DNAH9: variants seen among roughly 807,000 people sequenced by gnomAD.
DNAH9 encodes the protein DNAH9 variant protein.
Under a neutral mutation model 471.6 loss-of-function variants are expected in DNAH9, and 345 were observed. The observed-to-expected ratio is 0.73, with a 90% CI of 0.67 to 0.80. The LOEUF (loss-of-function observed/expected upper bound fraction) is 0.80, where lower values mean the gene tolerates loss of function less well. Among genes scored for constraint, DNAH9 ranks in the 30% least tolerant of loss-of-function variants. The probability of loss-of-function intolerance (pLI) is 0.00; values close to 1 mark genes in which losing one functional copy is unlikely to be tolerated. For missense variants in DNAH9, 5,407 were observed against 5,609.2 expected, an observed-to-expected ratio of 0.96 and a Z score of 1.15; for synonymous variants, 2,093 against 2,123.6, an observed-to-expected ratio of 0.99 and a Z score of 0.40.
chr17:11,968,684 G>A (rs1028654299), intron 68 of DNAH9, among the ~76,000 whole-genome samples: 3 of 152,154 alleles, frequency 2.0e-5, no homozygotes, highest in Admixed American at 1.3e-4. Flanking sequence ...CTTTGGCTCC[G>A]CAGAACATTT....
intron 65 of DNAH9, among the ~76,000 whole-genome samples, chr17:11,935,318 T>C (rs1248262455): frequency 6.6e-6 from 1 of 151,422 alleles, no homozygotes; most frequent in East Asian, 2.0e-4. Flanking sequence ...ACCACAGCTA[T>C]GTTTAAAGTA....
chr17:11,866,332 GT>G (rs1377433918), intron 50 of DNAH9, among the ~76,000 whole-genome samples: 3 of 152,124 alleles, frequency 2.0e-5, no homozygotes, highest in African/African-American at 7.2e-5. Flanking sequence ...CAGAACAGTG[GT>G]TTTTCTTGAA....
At chr17:11,905,866 T>G in intron 61 of DNAH9, 57 bp downstream of exon 61, 3 of 1,519,692 alleles carry the variant, frequency 2.0e-6, no homozygotes, top group Non-Finnish European at 2.7e-6. Context: ...ACTTTCATTC[T>G]TGGGGTCTAT....
At chr17:11,816,822 T>C (rs2150934779) in intron 45 of DNAH9, among the ~76,000 whole-genome samples, 1 of 152,344 alleles carries the variant, frequency 6.6e-6, no homozygotes, top group Admixed American at 6.5e-5. Context: ...TAACTCCAAG[T>C]ACTGCATGAA....
intron 62 of DNAH9, among the ~76,000 whole-genome samples, chr17:11,927,227 A>G (rs1004719670): frequency 1.3e-5 from 2 of 152,168 alleles, no homozygotes; most frequent in African/African-American, 4.8e-5. Flanking sequence ...CTCTGATGAT[A>G]GTTTATTTTC....
In DNAH9 at chr17:11,926,679, C is replaced by A. The variant is rs555629489; in HGVS notation, c.11877+2738C>A. 8.5e-5 allele frequency among the ~76,000 whole-genome samples: 13 copies of A among 152,218 alleles called. No homozygotes were observed. In the South Asian group the frequency reaches 2.7e-3, roughly 32 times the overall value. ...TCATTGATGAGCAGTTGGGTTGATTCCAAGTCTTTGCTATTGTGAATAGTG... is the reference window on the plus strand; with the variant it reads ...TCATTGATGAGCAGTTGGGTTGATTACAAGTCTTTGCTATTGTGAATAGTG... On this transcript the variant is annotated intron_variant, in intron 62 of 68. Coordinates refer to ENST00000262442, the MANE Select transcript of DNAH9 (RefSeq NM_001372.4).
chr17:11,769,191 C>T lies in DNAH9; in HGVS notation c.7414C>T (p.Arg2472Trp), dbSNP rs756834638. Reference sequence around the variant, plus strand: ...CATGGAGCGGTTGATGGCGCGGCAGCGGCCTGTCATGCTGGTGGGCACGGC... The same window carrying T: ...CATGGAGCGGTTGATGGCGCGGCAGTGGCCTGTCATGCTGGTGGGCACGGC... ...YFMERLMARQ[R>W]PVMLVGTAGT... is the part of the protein sequence containing the mutation. The change falls in exon 38 of 69, where the codon CGG (arginine) becomes TGG (tryptophan). Residue 2472 changes from arginine (R) to tryptophan (W), a missense_variant. This residue lies in a region of DNAH9 where 4,636 missense variants were observed against 4,900.3 expected (regional missense o/e 0.95). Coordinates refer to ENST00000262442, the MANE Select transcript of DNAH9 (RefSeq NM_001372.4). 15 of 1,614,172 alleles carry T rather than the reference C, an allele frequency of 9.3e-6. No individual in the cohort carries two copies. The highest frequency in any genetic ancestry group is 8.3e-5 in the Admixed American group (5 of 60,036).
chr17:11,802,648 CAAAAAA>C (rs3070089), intron 43 of DNAH9, among the ~76,000 whole-genome samples: 1 of 131,362 alleles, frequency 7.6e-6, no homozygotes, highest in African/African-American at 2.9e-5. Context: ...AACACACAGA[CAAAAAA>C]AAAAAAAAAG....
At chr17:11,947,772 ATTTTTTTTTT>A (rs71367359) in intron 67 of DNAH9, among the ~76,000 whole-genome samples, 1 of 108,346 alleles carries the variant, frequency 9.2e-6, no homozygotes, top group Non-Finnish European at 1.8e-5. Flanking sequence ...GCTGGGAACT[ATTTTTTTTTT>A]TTTTTTTTTT....
At chr17:11,893,099 C>A (rs1399183096) in intron 58 of DNAH9, among the ~76,000 whole-genome samples, 1 of 145,980 alleles carries the variant, frequency 6.9e-6, no homozygotes, top group African/African-American at 2.5e-5. Context: ...TGCCTGAGTT[C>A]ATGGGTGAGT....
intron 21 of DNAH9, 34 bp downstream of exon 21, chr17:11,694,032 G>A: frequency 1.2e-6 from 2 of 1,604,958 alleles, no homozygotes; most frequent in Non-Finnish European, 8.5e-7. Flanking sequence ...TCTCTAATAA[G>A]AAGGCATCAT....
At chr17:11,928,917 G>A (rs1272061715) in intron 62 of DNAH9, among the ~76,000 whole-genome samples, 2 of 151,706 alleles carry the variant, frequency 1.3e-5, no homozygotes, top group Non-Finnish European at 2.9e-5. Flanking sequence ...CCCAGGTACT[G>A]CCAACAATGT....
rs1326538112 is a variant in DNAH9, at chr17:11,661,898, A to G, written c.2596-2935A>G. On this transcript the variant is annotated intron_variant, in intron 14 of 68. Coordinates refer to ENST00000262442, the MANE Select transcript of DNAH9 (RefSeq NM_001372.4). ...TTTTATATTTACTCACATACTCATC[A>G]TCTTCAGGCTTGTTATTCCCTTTTA... Among the ~76,000 whole-genome samples the G allele has an allele frequency of 7.2e-5, 11 of 152,272 alleles. No homozygotes were observed. The East Asian group carries it at 2.1e-3, about 29-fold the overall frequency.
At chr17:11,709,064 C>G (rs2074785711) in intron 26 of DNAH9, among the ~76,000 whole-genome samples, 1 of 152,188 alleles carries the variant, frequency 6.6e-6, no homozygotes, top group Non-Finnish European at 1.5e-5. Context: ...TGTCTTTTCC[C>G]TGGGCCTTCG....
Position 11,681,440 on chromosome 17 carries a change from T to C in DNAH9, c.3743+551T>C, listed in dbSNP as rs369437505. Among the ~76,000 whole-genome samples, 25 of 152,278 alleles carry C rather than the reference T, an allele frequency of 1.6e-4. No homozygotes were observed. The South Asian group carries it at 2.3e-3, about 14-fold the overall frequency. Reference sequence around the variant, plus strand: ...CATTCATCCATGCCCACGCTGCACATACTTGGGCTCCTTTCTCAGGGATTT... The same window carrying C: ...CATTCATCCATGCCCACGCTGCACACACTTGGGCTCCTTTCTCAGGGATTT... On this transcript the variant is annotated intron_variant, in intron 19 of 68. Transcript: ENST00000262442.
intron 38 of DNAH9, among the ~76,000 whole-genome samples, chr17:11,775,727 C>G (rs1205930918): frequency 6.6e-6 from 1 of 151,192 alleles, no homozygotes; most frequent in Non-Finnish European, 1.5e-5. Flanking sequence ...GCCTCAGCCT[C>G]CCAAGTAGCT....
At chr17:11,617,684 G>A (rs2072774938) in intron 5 of DNAH9, 62 bp downstream of exon 5, 5 of 1,205,660 alleles carry the variant, frequency 4.1e-6, no homozygotes, top group Non-Finnish European at 6.1e-6. Context: ...CTAGTCACAG[G>A]AGAGAAGAGA....
intron 50 of DNAH9, among the ~76,000 whole-genome samples, chr17:11,863,249 A>G (rs1971923771): frequency 6.6e-6 from 1 of 152,152 alleles, no homozygotes; most frequent in Non-Finnish European, 1.5e-5. Flanking sequence ...GAATTTTGTC[A>G]AAGGCCTTTT....
At chr17:11,788,432 G>C (rs1968949802) in intron 41 of DNAH9, among the ~76,000 whole-genome samples, 1 of 152,202 alleles carries the variant, frequency 6.6e-6, no homozygotes, top group African/African-American at 2.4e-5. Context: ...TCTCACCTAT[G>C]TAATCACCAC....
Sources: allele counts gnomAD v4.1 joint callset (sites outside exome capture counted in the v4.1 genomes callset), GRCh38; gene constraint gnomAD v4.1.1; regional missense constraint gnomAD v4.1.1; transcripts MANE v1.5; gene names NCBI Gene and HGNC (gene_info 2026-07-23, HGNC 2026-07-21).